Variants in HMCN2 observed in about 807,000 individuals in gnomAD.
HMCN2 encodes the protein hemicentin 2.
HMCN2 carries 325 observed loss-of-function variants against 377.5 expected under a neutral mutation model. The ratio of observed to expected loss-of-function variants is 0.86; its 90% confidence interval spans 0.79 to 0.94. The LOEUF (loss-of-function observed/expected upper bound fraction) is 0.94. HMCN2 is among the 40% of genes least tolerant of loss of function. The pLI is 0.00. For synonymous variants in HMCN2, 2,007 were observed against 2,046.8 expected (o/e 0.98, Z 0.53); for missense variants, 4,543 against 4,725.3 (o/e 0.96, Z 1.13).
rs144474100 is a variant in HMCN2, at chr9:130,369,456, C to A, written c.6788-114C>A. 3.3e-4 allele frequency: 172 copies of A among 518,194 alleles called. 2 individuals are homozygous for A. Among genetic ancestry groups the A allele is most frequent in the African/African-American group, 3.0e-3 (144 of 48,296 alleles). 32.1% of individuals were successfully genotyped at this position (518,194 alleles called of 1,614,324 possible). A position where few individuals can be genotyped will look rare whatever the true frequency, so the allele number is the denominator to read the frequency against. On this transcript the variant is annotated intron_variant, in intron 44 of 97. Transcript: ENST00000683500. The surrounding 1 kb of genome is among the most constrained non-coding windows in gnomAD (Gnocchi z 4.5). ...AAATGGAGGTGAGGTCACGAGGTCA[C>A]ACAGCCAGCGATGGCAAGGGGAGAG... is the stretch of plus-strand genomic sequence containing the variant.
chr9:130,278,409 C>G (rs575466155), intron 1 of HMCN2, among the ~76,000 whole-genome samples: 2,073 of 152,170 alleles, frequency 0.014, 53 homozygotes, highest in African/African-American at 0.047. Context: ...CAGGCGTGAG[C>G]CACCGCGCCC....
At position 130,361,941 on chromosome 9, in the gene HMCN2, C is replaced by A; in HGVS notation, c.5951-67C>A. ...TGTGTGCTCCTGCAGGGGTGCCCAGCCAGGGGCCCTGCCTGCTTTGCCCCA... is the reference window on the plus strand; with the variant it reads ...TGTGTGCTCCTGCAGGGGTGCCCAGACAGGGGCCCTGCCTGCTTTGCCCCA... On this transcript the variant is annotated intron_variant, in intron 38 of 97. Coordinates refer to ENST00000683500, the MANE Select transcript of HMCN2 (RefSeq NM_001291815.2). This position sits in a 1 kb window ranked among gnomAD's most constrained non-coding sequence, Gnocchi z 4.8. 1.0e-6 allele frequency: 1 copy of A among 961,108 alleles called. No individual in the cohort carries two copies. Among genetic ancestry groups the A allele is most frequent in the Non-Finnish European group, 1.2e-6 (1 of 807,358 alleles). 59.5% of individuals were successfully genotyped at this position (961,108 alleles called of 1,614,324 possible). A position where few individuals can be genotyped will look rare whatever the true frequency, so the allele number is the denominator to read the frequency against.
chr9:130,307,744 A>G (rs942233193), intron 14 of HMCN2, among the ~76,000 whole-genome samples, 178 bp downstream of exon 14: 3 of 151,172 alleles, frequency 2.0e-5, no homozygotes, highest in African/African-American at 4.9e-5. Context: ...CCTCACCCCC[A>G]GCCTGTGTTG....
In HMCN2 at chr9:130,348,530, C is replaced by T. The variant is rs1564802168; in HGVS notation, c.4025-15C>T. ...GGGGCAGGGAAGCAGCTCCTCGGCT[C>T]TCCTTGCCCCCAAGTGCCCCCCAGC... On this transcript the variant is annotated splice_polypyrimidine_tract_variant and intron_variant, in intron 26 of 97. Coordinates refer to ENST00000683500, the MANE Select transcript of HMCN2 (RefSeq NM_001291815.2). 3 of 1,303,288 alleles carry T rather than the reference C, an allele frequency of 2.3e-6. No homozygotes were observed. Among genetic ancestry groups the T allele is most frequent in the Non-Finnish European group, 3.0e-6 (3 of 988,682 alleles). 80.7% of individuals were successfully genotyped at this position (1,303,288 alleles called of 1,614,324 possible).
intron 7 of HMCN2, among the ~76,000 whole-genome samples, chr9:130,297,857 T>C (rs1564759413): frequency 1.3e-5 from 2 of 152,168 alleles, no homozygotes; most frequent in South Asian, 4.1e-4. Flanking sequence ...TGTGTAGTGA[T>C]GGCGCGGGGA....
At chr9:130,343,839 C>G (rs1053983893) in intron 25 of HMCN2, among the ~76,000 whole-genome samples, 1 of 152,234 alleles carries the variant, frequency 6.6e-6, no homozygotes, top group Admixed American at 6.5e-5. Flanking sequence ...GCTCGGAGCG[C>G]TCTGAGGGCT....
intron 46 of HMCN2, among the ~76,000 whole-genome samples, chr9:130,372,066 A>T (rs10901213): frequency 6.6e-6 from 1 of 152,140 alleles, no homozygotes; most frequent in African/African-American, 2.4e-5. Flanking sequence ...TTCTTGCTAG[A>T]GCAGGGTCCT....
At position 130,393,740 on chromosome 9, in the gene HMCN2, A is replaced by G; in HGVS notation, c.10235-2A>G. 8.0e-7 allele frequency: 1 copy of G among 1,242,984 alleles called. No individual in the cohort carries two copies. The highest frequency in any genetic ancestry group is 1.0e-6 in the Non-Finnish European group (1 of 966,896). The allele number at this position is 1,242,984 out of a possible 1,614,324, so 77.0% of individuals were successfully genotyped here. The stretch of plus-strand genomic sequence containing the variant: ...TCCTGCCCACCTTTCTGCCCTCCAT[A>G]GTGCCCCCTGTCCTGGAGCCGGTGG... On this transcript the variant is annotated splice_acceptor_variant, in intron 67 of 97. Transcript: ENST00000683500. LOFTEE classifies it high-confidence loss of function. The surrounding 1 kb of genome is among the most constrained non-coding windows in gnomAD (Gnocchi z 5.2).
chr9:130,375,857 G>A lies in HMCN2; in HGVS notation c.7805-19G>A. 4 of 985,272 alleles carry A rather than the reference G, an allele frequency of 4.1e-6. No individual in the cohort carries two copies. The highest frequency in any genetic ancestry group is 9.4e-5 in the South Asian group (2 of 21,260). 61.0% of individuals were successfully genotyped at this position (985,272 alleles called of 1,614,324 possible). ...AGGCTGCAGATTTGGGGTGACCCTGGCCACTGGCCCCCACACAGGTACCCA... is the reference window on the plus strand; with the variant it reads ...AGGCTGCAGATTTGGGGTGACCCTGACCACTGGCCCCCACACAGGTACCCA... On this transcript the variant is annotated intron_variant, in intron 50 of 97. Coordinates refer to ENST00000683500, the MANE Select transcript of HMCN2 (RefSeq NM_001291815.2).
At position 130,277,317 on chromosome 9, in the gene HMCN2, G is replaced by A. The variant is rs146803572; in HGVS notation, c.260-7286G>A. ...GCAGGCCTGCTCGGAGGGACTGCAC[G>A]CCACATCTGCCCAGCTGTTTGGCAA... On this transcript the variant is annotated intron_variant, in intron 1 of 97. Transcript: ENST00000683500. 9.4e-3 allele frequency among the ~76,000 whole-genome samples: 1,430 copies of A among 152,336 alleles called. 7 individuals are homozygous for A. The highest frequency in any genetic ancestry group is 9.7e-3 in the Non-Finnish European group (663 of 68,038).
chr9:130,345,302 T>C (rs1839320257), intron 25 of HMCN2, among the ~76,000 whole-genome samples: 1 of 148,636 alleles, frequency 6.7e-6, no homozygotes, highest in Non-Finnish European at 1.5e-5. Flanking sequence ...TGGTGTGTGG[T>C]GTGTGTGTTG....
intron 83 of HMCN2, 44 bp from the exon 84 acceptor site, chr9:130,408,699 G>A: frequency 7.9e-7 from 1 of 1,260,582 alleles, no homozygotes; most frequent in Non-Finnish European, 1.0e-6. Context: ...TGAGCCAGCA[G>A]GCAACCTCTT....
chr9:130,363,119 C>G (rs1840473717), intron 40 of HMCN2, 129 bp downstream of exon 40: 1 of 733,586 alleles, frequency 1.4e-6, no homozygotes, highest in Admixed American at 6.8e-5. Flanking sequence ...GAACAGCTGC[C>G]TTCCAGTAGG....
At chr9:130,312,729 A>C (rs1375008988) in intron 15 of HMCN2, among the ~76,000 whole-genome samples, 2 of 148,980 alleles carry the variant, frequency 1.3e-5, no homozygotes, top group Admixed American at 6.8e-5. Context: ...GCCCAGGCGC[A>C]ATCTCGGCTC....
intron 74 of HMCN2, 149 bp downstream of exon 74, chr9:130,397,804 A>C (rs1842677586): frequency 1.7e-6 from 1 of 603,928 alleles, no homozygotes; most frequent in Non-Finnish European, 2.4e-6. Flanking sequence ...AGTTGTGATC[A>C]TGCACACTCA....
intron 1 of HMCN2, among the ~76,000 whole-genome samples, chr9:130,278,117 TTTGG>T (rs1400805868): frequency 2.6e-5 from 4 of 151,432 alleles, no homozygotes; most frequent in South Asian, 2.1e-4. Flanking sequence ...TTTTTGTTTG[TTTGG>T]TTGGTTGGTT....
In HMCN2 at chr9:130,356,225, C is replaced by G. The variant is rs560868479; in HGVS notation, c.5393C>G (p.Thr1798Ser). The change falls in exon 34 of 98, where the codon ACT becomes AGT. Residue 1798 changes from threonine (T) to serine (S), a missense_variant. Physicochemically the swap from Thr to Ser is moderately conservative, Grantham distance 58. Around this residue, in one of 5 missense-constraint regions of HMCN2, gnomAD observed 1,032 missense variants for 1,285.1 expected, o/e 0.80. Transcript: ENST00000683500. ...TGCCAGGCCACCAATGAGGCGGGCA[C>G]TGCCGGGGCCGAGGTGGAGGTGTCT... ...FACQATNEAG[T>S]AGAEVEVSVH... 1.0e-5 allele frequency: 13 copies of G among 1,302,240 alleles called. No individual in the cohort carries two copies. In the South Asian group the frequency reaches 1.5e-4, roughly 15 times the overall value. 80.7% of individuals were successfully genotyped at this position (1,302,240 alleles called of 1,614,324 possible). A position where few individuals can be genotyped will look rare whatever the true frequency, so the allele number is the denominator to read the frequency against.
Position 130,396,322 on chromosome 9 carries a change from G to A in HMCN2, c.11198+9G>A. ...GATCCCAGGAGCCCCAGGTGGGAGAGGGAAGGGGTGGGCCTCAGGGAGGCT... is the reference window on the plus strand; with the variant it reads ...GATCCCAGGAGCCCCAGGTGGGAGAAGGAAGGGGTGGGCCTCAGGGAGGCT... On this transcript the variant is annotated intron_variant, in intron 73 of 97. Coordinates refer to ENST00000683500, the MANE Select transcript of HMCN2 (RefSeq NM_001291815.2). The A allele has an allele frequency of 7.9e-7, 1 of 1,262,900 alleles. No individual in the cohort carries two copies. Among genetic ancestry groups the A allele is most frequent in the Non-Finnish European group, 1.0e-6 (1 of 967,234 alleles). 78.2% of individuals were successfully genotyped at this position (1,262,900 alleles called of 1,614,324 possible). A position where few individuals can be genotyped will look rare whatever the true frequency, so the allele number is the denominator to read the frequency against.
Position 130,295,838 on chromosome 9 carries a change from A to G in HMCN2, c.891+66A>G, listed in dbSNP as rs960370666. 1.1e-5 allele frequency: 5 copies of G among 452,738 alleles called. No individual in the cohort carries two copies. The East Asian group carries it at 2.8e-4, about 26-fold the overall frequency. The allele number at this position is 452,738 out of a possible 1,614,324, so 28.0% of individuals were successfully genotyped here. On this transcript the variant is annotated intron_variant, in intron 6 of 97. Coordinates refer to ENST00000683500, the MANE Select transcript of HMCN2 (RefSeq NM_001291815.2). ...ACTGGGCTGGAACCATCTTCCTCCT[A>G]CTTGCCCTGGGGAGCCTGTGGCCTC...
Sources: allele counts gnomAD v4.1 joint callset (sites outside exome capture counted in the v4.1 genomes callset), GRCh38; gene constraint gnomAD v4.1.1; regional missense constraint gnomAD v4.1.1; non-coding constraint Gnocchi (gnomAD v3.1); transcripts MANE v1.5; gene names NCBI Gene and HGNC (gene_info 2026-07-23, HGNC 2026-07-21).